BFAR: variants seen among roughly 807,000 people sequenced by gnomAD.
BFAR encodes the protein RING finger protein 47.
Under a neutral mutation model 54.4 loss-of-function variants are expected in BFAR, and 52 were observed. The ratio of observed to expected loss-of-function variants is 0.96; its 90% CI spans 0.77 to 1.21. The LOEUF is 1.21. Ranked by LOEUF, BFAR falls within the 50% of genes most tolerant of loss-of-function variation. BFAR has a pLI of 0.00. For missense variants in BFAR, 571 were observed against 534.0 expected (o/e 1.07, Z -0.68); for synonymous variants, 215 against 204.3 (o/e 1.05, Z -0.45).
In BFAR at chr16:14,668,921, A is replaced by G. The variant is rs1310653581; in HGVS notation, c.*1094A>G. On this transcript the variant is annotated 3_prime_UTR_variant, in exon 8 of 8. Coordinates refer to ENST00000261658, the MANE Select transcript of BFAR (RefSeq NM_016561.3). ...ATGTTTTGTAAATTGAGCTCACACT[A>G]TATAATCTTTATTGTCCTATCCTGA... 3 of 229,892 alleles carry G rather than the reference A, an allele frequency of 1.3e-5. No individual in the cohort carries two copies. The highest frequency in any genetic ancestry group is 4.4e-5 in the South Asian group (1 of 22,548). 14.2% of individuals were successfully genotyped at this position (229,892 alleles called of 1,614,324 possible).
intron 7 of BFAR, among the ~76,000 whole-genome samples, chr16:14,666,559 G>C (rs889016232): frequency 3.9e-5 from 6 of 152,002 alleles, no homozygotes; most frequent in African/African-American, 1.2e-4. Context: ...GCGACAAAAC[G>C]AGAGTCCATC....
At chr16:14,638,293 G>C (rs1490762562) in intron 1 of BFAR, among the ~76,000 whole-genome samples, 1 of 152,140 alleles carries the variant, frequency 6.6e-6, no homozygotes. Flanking sequence ...TGAGGTGGGA[G>C]GATCACTGGA....
intron 2 of BFAR, 121 bp from the exon 3 acceptor site, chr16:14,648,267 C>A: frequency 1.4e-6 from 1 of 738,114 alleles, no homozygotes; most frequent in Non-Finnish European, 2.2e-6. Context: ...TAATACATTT[C>A]TTGTCAGTTC....
At chr16:14,656,062 T>C (rs1201925608) in intron 5 of BFAR, among the ~76,000 whole-genome samples, 1 of 151,776 alleles carries the variant, frequency 6.6e-6, no homozygotes, top group African/African-American at 2.4e-5. Flanking sequence ...TCACAAAAAT[T>C]AGCTGGGAGT....
rs1450924494 is a variant in BFAR at position 14,667,902 on chromosome 16, G to A, written c.*75G>A. 4 of 1,447,942 alleles carry A rather than the reference G, an allele frequency of 2.8e-6. No individual in the cohort carries two copies. Among genetic ancestry groups the A allele is most frequent in the Non-Finnish European group, 2.9e-6 (3 of 1,049,892 alleles). 89.7% of individuals were successfully genotyped at this position (1,447,942 alleles called of 1,614,324 possible). A position where few individuals can be genotyped will look rare whatever the true frequency, so the allele number is the denominator to read the frequency against. ...TTGATGCTTAAGAGGGGTGAGGCAG[G>A]GAGCGGACTTCCTATTTTCTACCCT... On this transcript the variant is annotated 3_prime_UTR_variant, in exon 8 of 8. Coordinates refer to ENST00000261658, the MANE Select transcript of BFAR (RefSeq NM_016561.3).
chr16:14,644,203 A>G (rs1189692449), intron 1 of BFAR, 71 bp from the exon 2 acceptor site: 8 of 860,716 alleles, frequency 9.3e-6, no homozygotes, highest in Admixed American at 2.5e-5. Flanking sequence ...TAGAATGTCA[A>G]TACTTTTATA....
chr16:14,639,287 A>G (rs983959769), intron 1 of BFAR, among the ~76,000 whole-genome samples: 4 of 151,618 alleles, frequency 2.6e-5, no homozygotes, highest in South Asian at 2.1e-4. Flanking sequence ...CGTTCATCCC[A>G]GCACCCCAGA....
chr16:14,654,257 C>A (rs940574500), intron 4 of BFAR, among the ~76,000 whole-genome samples: 1 of 151,572 alleles, frequency 6.6e-6, no homozygotes, highest in African/African-American at 2.4e-5. Flanking sequence ...GTGATCTGCC[C>A]GCCTCGGCCT....
At position 14,640,420 on chromosome 16, in the gene BFAR, C is replaced by T. The variant is rs367964224; in HGVS notation, c.-73-3854C>T. On this transcript the variant is annotated intron_variant, in intron 1 of 7. Transcript: ENST00000261658. The stretch of plus-strand genomic sequence containing the variant: ...CTCTGCTCGAGCTGATCTTGTCATG[C>T]GTGATGCGATTCCAGTATTGCCAGA... Among the ~76,000 whole-genome samples, 24 of 152,034 alleles carry T rather than the reference C, an allele frequency of 1.6e-4. 1 individual carries two copies. The East Asian group carries it at 2.3e-3, about 15-fold the overall frequency.
At chr16:14,663,425 G>A (rs372747258) in intron 6 of BFAR, among the ~76,000 whole-genome samples, 11 of 151,998 alleles carry the variant, frequency 7.2e-5, no homozygotes, top group African/African-American at 2.2e-4. Context: ...TCCATCTCCC[G>A]GGTTCATGCC....
In BFAR at chr16:14,668,178, C is replaced by A. The variant is rs1960496877; in HGVS notation, c.*351C>A. On this transcript the variant is annotated 3_prime_UTR_variant, in exon 8 of 8. Coordinates refer to ENST00000261658, the MANE Select transcript of BFAR (RefSeq NM_016561.3). The stretch of plus-strand genomic sequence containing the variant: ...GACATCAGAAGGGTGCCACATCAGT[C>A]CCCTCCCCAACCTCAGTGACTGACA... 1 of 259,094 alleles carries A rather than the reference C, an allele frequency of 3.9e-6. No individual in the cohort carries two copies. The highest frequency in any genetic ancestry group is 7.4e-6 in the Non-Finnish European group (1 of 135,654). 16.0% of individuals were successfully genotyped at this position (259,094 alleles called of 1,614,324 possible).
chr16:14,643,250 A>C (rs891239375), intron 1 of BFAR, among the ~76,000 whole-genome samples: 2 of 152,094 alleles, frequency 1.3e-5, no homozygotes, highest in Non-Finnish European at 2.9e-5. Flanking sequence ...GCAGAGGTTG[A>C]CGTGAGCCAA....
At chr16:14,656,405 C>T (rs1035373733) in intron 5 of BFAR, among the ~76,000 whole-genome samples, 1 of 151,802 alleles carries the variant, frequency 6.6e-6, no homozygotes, top group Admixed American at 6.6e-5. Context: ...TGTGGTGATG[C>T]CAGCCATTTG....
rs1418133029 is a variant in BFAR, at chr16:14,667,624, T to C, written c.1161-11T>C. ...GCGCCTCCGATTCAGCCTCTTCTCT[T>C]CTTGTTTCAGGACCGTGCCTCAGAG... On this transcript the variant is annotated splice_polypyrimidine_tract_variant and intron_variant, in intron 7 of 7. Transcript: ENST00000261658. 1 of 1,611,560 alleles carries C rather than the reference T, an allele frequency of 6.2e-7. No homozygotes were observed. The highest frequency in any genetic ancestry group is 1.1e-5 in the South Asian group (1 of 90,968).
rs1206709739 is a variant in BFAR, at chr16:14,634,581, C to A, written c.-74+1563C>A. Among the ~76,000 whole-genome samples, 4 of 152,334 alleles carry A rather than the reference C, an allele frequency of 2.6e-5. 1 individual carries two copies. Among genetic ancestry groups the A allele is most frequent in the Admixed American group, 6.5e-5 (1 of 15,300 alleles). On this transcript the variant is annotated intron_variant, in intron 1 of 7. Transcript: ENST00000261658. ...CCGCAGCTCACGCCTGTAATCCCAG[C>A]AGTTTGGGAGGCAGAAGTGGGAGTA...
At chr16:14,640,624 A>C (rs926904112) in intron 1 of BFAR, among the ~76,000 whole-genome samples, 1 of 152,182 alleles carries the variant, frequency 6.6e-6, no homozygotes, top group African/African-American at 2.4e-5. Flanking sequence ...GGCGGTGGCT[A>C]CTGGTGGTGA....
chr16:14,659,842 C>T lies in BFAR; in HGVS notation c.784-2050C>T, dbSNP rs142187971. Among the ~76,000 whole-genome samples, 24 of 152,084 alleles carry T rather than the reference C, an allele frequency of 1.6e-4. No individual in the cohort carries two copies. In the South Asian group the frequency reaches 2.9e-3, roughly 18 times the overall value. On this transcript the variant is annotated intron_variant, in intron 5 of 7. Coordinates refer to ENST00000261658, the MANE Select transcript of BFAR (RefSeq NM_016561.3). ...GCTGGGATTACAGGCTGAGCCACCA[C>T]GCCCGGTCTCTATAGTATACATTTC...
At chr16:14,640,240 T>C (rs966557826) in intron 1 of BFAR, among the ~76,000 whole-genome samples, 2 of 151,818 alleles carry the variant, frequency 1.3e-5, no homozygotes, top group African/African-American at 4.8e-5. Context: ...CCAAGCTGCC[T>C]AGAAACAACC....
Position 14,644,454 on chromosome 16 carries a change from C to T in BFAR, c.108C>T (p.Cys36=), listed in dbSNP as rs1436014550. 6.2e-7 allele frequency: 1 copy of T among 1,614,110 alleles called. No individual in the cohort carries two copies. The highest frequency in any genetic ancestry group is 8.5e-7 in the Non-Finnish European group (1 of 1,180,018). ...CTGTTAGTGAATTTTCTTGCCACTG[C>T]TGCTACGACATCCTGGTTAACCCCA... ...QISVSEFSCH[C]CYDILVNPTT... is the part of the protein sequence containing the mutation. Residue 36 remains cysteine (C), a synonymous_variant, in exon 2 of 8, where the codon TGC becomes TGT. Transcript: ENST00000261658.
Sources: allele counts gnomAD v4.1 joint callset (sites outside exome capture counted in the v4.1 genomes callset), GRCh38; gene constraint gnomAD v4.1.1; transcripts MANE v1.5; gene names NCBI Gene and HGNC (gene_info 2026-07-23, HGNC 2026-07-21).